The following ST18 variants were observed in gnomAD, a reference collection of about 807,000 sequenced individuals.
ST18 encodes the protein suppression of tumorigenicity 18 protein.
A neutral mutation model predicts 110.0 loss-of-function variants in ST18; 50 were observed. That is an observed-to-expected ratio of 0.45 (90% CI 0.36 to 0.58). The LOEUF (loss-of-function observed/expected upper bound fraction) is 0.58, where lower values mean the gene tolerates loss of function less well. ST18 is among the 20% of genes least tolerant of loss of function. ST18 has a pLI of 0.00. For synonymous variants in ST18, 461 were observed against 452.4 expected (o/e 1.02, Z -0.24); for missense variants, 1,306 against 1,280.1 (o/e 1.02, Z -0.31).
At chr8:52,340,517 A>G (rs1311890817) in intron 2 of ST18, among the ~76,000 whole-genome samples, 1 of 152,240 alleles carries the variant, frequency 6.6e-6, no homozygotes, top group Admixed American at 6.5e-5. Context: ...TGTTTCAAAA[A>G]GTCTATCACG....
intron 7 of ST18, 34 bp from the exon 8 acceptor site, chr8:52,212,143 A>T: frequency 6.3e-7 from 1 of 1,585,202 alleles, no homozygotes; most frequent in Non-Finnish European, 8.5e-7. Flanking sequence ...AGAAGACTTA[A>T]TCAGTTGATA....
intron 2 of ST18, chr8:52,406,939 T>C (rs1844727804): frequency 6.6e-6 from 1 of 152,198 alleles, no homozygotes; most frequent in Admixed American, 6.5e-5. Flanking sequence ...ACACTCGGCT[T>C]GTAAAAGTAG....
intron 2 of ST18, among the ~76,000 whole-genome samples, chr8:52,332,053 G>A (rs1307373805): frequency 2.6e-5 from 4 of 151,954 alleles, no homozygotes; most frequent in African/African-American, 9.7e-5. Flanking sequence ...AAATATGTAT[G>A]TGTGTATGTA....
chr8:52,326,016 G>C (rs1806194316), intron 2 of ST18, among the ~76,000 whole-genome samples: 2 of 152,130 alleles, frequency 1.3e-5, no homozygotes, highest in African/African-American at 4.8e-5. Context: ...TAAAACCTTT[G>C]GTTGAGTCCT....
At chr8:52,326,259 T>C (rs2139994147) in intron 2 of ST18, among the ~76,000 whole-genome samples, 1 of 152,278 alleles carries the variant, frequency 6.6e-6, no homozygotes, top group Admixed American at 6.5e-5. Context: ...GGATTTGGCC[T>C]GCAGCAGTGG....
chr8:52,156,527 A>G (rs2060058378), intron 15 of ST18, among the ~76,000 whole-genome samples: 1 of 152,206 alleles, frequency 6.6e-6, no homozygotes, highest in Non-Finnish European at 1.5e-5. Context: ...ACATTAAGTA[A>G]AAGGCAGCAC....
intron 8 of ST18, among the ~76,000 whole-genome samples, chr8:52,188,094 A>G (rs1238617030): frequency 6.6e-6 from 1 of 152,230 alleles, no homozygotes; most frequent in Non-Finnish European, 1.5e-5. Context: ...AGGATATAGC[A>G]TGGAATAAAA....
At chr8:52,297,380 G>A (rs144593199) in intron 2 of ST18, among the ~76,000 whole-genome samples, 7 of 152,298 alleles carry the variant, frequency 4.6e-5, no homozygotes, top group African/African-American at 1.4e-4. Context: ...CTCAATAAGC[G>A]CAGAATATAT....
chr8:52,228,364 A>G lies in ST18; in HGVS notation c.-419+1668T>C, dbSNP rs541542984. Among the ~76,000 whole-genome samples, 3 of 152,322 alleles carry G rather than the reference A, an allele frequency of 2.0e-5. No homozygotes were observed. In the South Asian group the frequency reaches 6.2e-4, roughly 32 times the overall value. Reference sequence around the variant, plus strand: ...GGAAGATCTTCAACTCATTTAAACTATAACACAGTCCCTAGTTCTTAGACT... The same window carrying G: ...GGAAGATCTTCAACTCATTTAAACTGTAACACAGTCCCTAGTTCTTAGACT... On this transcript the variant is annotated intron_variant, in intron 3 of 25. Transcript: ENST00000689386.
chr8:52,164,977 A>G (rs1477522324), intron 12 of ST18, among the ~76,000 whole-genome samples, 158 bp downstream of exon 12: 1 of 152,228 alleles, frequency 6.6e-6, no homozygotes, highest in Non-Finnish European at 1.5e-5. Flanking sequence ...CTTTTTGACA[A>G]TGCACATGCT....
intron 15 of ST18, among the ~76,000 whole-genome samples, chr8:52,151,132 A>T (rs1228699335): frequency 2.6e-5 from 4 of 152,086 alleles, no homozygotes; most frequent in Admixed American, 2.6e-4. Flanking sequence ...CAAGATCCTT[A>T]ACTCTTGTGG....
intron 9 of ST18, among the ~76,000 whole-genome samples, chr8:52,175,519 T>G (rs1032762583): frequency 6.6e-6 from 1 of 152,128 alleles, no homozygotes; most frequent in Non-Finnish European, 1.5e-5. Flanking sequence ...TGGCACTACC[T>G]GCTGTGTGAC....
chr8:52,297,252 A>G (rs989118157), intron 2 of ST18, among the ~76,000 whole-genome samples: 3 of 152,216 alleles, frequency 2.0e-5, no homozygotes, highest in Non-Finnish European at 4.4e-5. Flanking sequence ...TTGTACGTGA[A>G]GTGTGTGACA....
chr8:52,331,182 G>A (rs762682126), intron 2 of ST18, among the ~76,000 whole-genome samples: 1 of 152,154 alleles, frequency 6.6e-6, no homozygotes, highest in South Asian at 2.1e-4. Flanking sequence ...GACTGGAAGG[G>A]GTAGTTTCAA....
At chr8:52,149,349 C>A (rs1315755589) in intron 16 of ST18, among the ~76,000 whole-genome samples, 1 of 152,226 alleles carries the variant, frequency 6.6e-6, no homozygotes, top group Non-Finnish European at 1.5e-5. Flanking sequence ...TCTTACTTGA[C>A]CCTGATTTGA....
At chr8:52,183,925 C>T (rs1030944833) in intron 8 of ST18, among the ~76,000 whole-genome samples, 2 of 152,120 alleles carry the variant, frequency 1.3e-5, no homozygotes, top group African/African-American at 4.8e-5. Context: ...TACCCACGGC[C>T]CAGGCAGCAT....
chr8:52,343,828 T>A (rs1036481751), intron 2 of ST18, among the ~76,000 whole-genome samples: 3 of 152,234 alleles, frequency 2.0e-5, no homozygotes, highest in Non-Finnish European at 4.4e-5. Flanking sequence ...GTATTTTAAG[T>A]ACTTATTTAT....
chr8:52,116,253 A>G, intron 25 of ST18, 22 bp downstream of exon 25: 1 of 1,607,614 alleles, frequency 6.2e-7, no homozygotes, highest in Non-Finnish European at 8.5e-7. Flanking sequence ...ATGGAATGGC[A>G]AGGTTCTGGC....
At chr8:52,150,122 T>C (rs969449333) in intron 15 of ST18, 145 bp from the exon 16 acceptor site, 5 of 1,163,984 alleles carry the variant, frequency 4.3e-6, no homozygotes, top group Non-Finnish European at 5.9e-6. Flanking sequence ...TTGCGTTGGG[T>C]AATGTTCAAT....
Sources: gnomAD v4.1 joint callset for allele counts (sites outside exome capture counted in the v4.1 genomes callset) on GRCh38, gnomAD v4.1.1 for gene constraint, MANE v1.5 for transcripts, NCBI Gene and HGNC (gene_info 2026-07-23, HGNC 2026-07-21) for gene names.